PPP3CB: variants seen among roughly 807,000 people sequenced by gnomAD.
The protein encoded by PPP3CB is serine/threonine-protein phosphatase 2B catalytic subunit beta isoform.
A neutral mutation model predicts 66.4 loss-of-function variants in PPP3CB; 8 were observed. That is an observed-to-expected ratio of 0.12 (90% CI 0.07 to 0.22). The LOEUF (loss-of-function observed/expected upper bound fraction) is 0.22, where lower values mean the gene tolerates loss of function less well. Ranked by LOEUF, PPP3CB falls within the 10% of genes least tolerant of loss-of-function variation. PPP3CB has a pLI of 1.00. For missense variants in PPP3CB, 319 were observed against 642.5 expected (o/e 0.50, Z 5.44); for synonymous variants, 208 against 221.2 (o/e 0.94, Z 0.53).
chr10:73,449,825 T>C (rs946546397), intron 10 of PPP3CB, among the ~76,000 whole-genome samples: 1 of 151,898 alleles, frequency 6.6e-6, no homozygotes, highest in Admixed American at 6.6e-5. Context: ...AGACCGAGTC[T>C]CGCTCTGTCA....
chr10:73,444,780 G>T lies in PPP3CB; in HGVS notation c.1311C>A (p.Pro437=). 1.2e-6 allele frequency: 2 copies of T among 1,613,878 alleles called. No homozygotes were observed. The highest frequency in any genetic ancestry group is 1.7e-6 in the Non-Finnish European group (2 of 1,180,032). ...ACACTCCACTAGGCAACATCCCTGT[G>T]GGAGTCAGGCCCTTGAGTGTCAGCA... ...ESVLTLKGLT[P]TGMLPSGVLA... The change falls in exon 12 of 14, where the codon CCC becomes CCA. Residue 437 remains proline (P), a synonymous_variant. Coordinates refer to ENST00000360663, the MANE Select transcript of PPP3CB (RefSeq NM_021132.4).
At chr10:73,475,712 T>C (rs2056774197) in intron 3 of PPP3CB, among the ~76,000 whole-genome samples, 1 of 152,206 alleles carries the variant, frequency 6.6e-6, no homozygotes, top group Non-Finnish European at 1.5e-5. Context: ...CAAATAAAAA[T>C]ATTATTAAAC....
chr10:73,474,073 G>A (rs190100037), intron 4 of PPP3CB, among the ~76,000 whole-genome samples: 4 of 151,286 alleles, frequency 2.6e-5, no homozygotes, highest in East Asian at 1.9e-4. Context: ...ACAGAGTTTC[G>A]CTCTTGTTGC....
At chr10:73,442,452 CTG>C (rs2056164245) in intron 12 of PPP3CB, among the ~76,000 whole-genome samples, 1 of 152,210 alleles carries the variant, frequency 6.6e-6, no homozygotes, top group Admixed American at 6.5e-5. Flanking sequence ...CCAAGGATAA[CTG>C]AGAGATGACT....
At chr10:73,478,770 GGAT>G in intron 2 of PPP3CB, 147 bp from the exon 3 acceptor site, 1 of 666,068 alleles carries the variant, frequency 1.5e-6, no homozygotes. Flanking sequence ...GTCATGATTA[GGAT>G]GATGTGTAAC....
chr10:73,450,855 C>T (rs1214212880), intron 10 of PPP3CB, among the ~76,000 whole-genome samples: 1 of 152,114 alleles, frequency 6.6e-6, no homozygotes, highest in Non-Finnish European at 1.5e-5. Flanking sequence ...AACCACTGAT[C>T]CTTTTCATTA....
chr10:73,444,735 G>T lies in PPP3CB; in HGVS notation c.1356C>A (p.Thr452=). The T allele has an allele frequency of 1.9e-6, 3 of 1,614,066 alleles. No homozygotes were observed. Among genetic ancestry groups the T allele is most frequent in the Non-Finnish European group, 2.5e-6 (3 of 1,180,012 alleles). The change falls in exon 12 of 14, where the codon ACC becomes ACA. Residue 452 remains threonine (T), a synonymous_variant. Transcript: ENST00000360663. ...GCATAACATCATTACCACTTTGCAG[G>T]GTCTGCCGTCCTCCAGCTAACACTC... ...PSGVLAGGRQ[T]LQSATVEAIE...
intron 4 of PPP3CB, among the ~76,000 whole-genome samples, chr10:73,473,955 A>C (rs2056743785): frequency 6.6e-6 from 1 of 152,330 alleles, no homozygotes; most frequent in East Asian, 1.9e-4. Flanking sequence ...TCCTCACAGG[A>C]ATGCCTCAAG....
At chr10:73,442,402 C>T (rs756913398) in intron 12 of PPP3CB, among the ~76,000 whole-genome samples, 1 of 152,170 alleles carries the variant, frequency 6.6e-6, no homozygotes, top group South Asian at 2.1e-4. Context: ...AATCTGAAAG[C>T]AAGGTTTGCT....
intron 1 of PPP3CB, among the ~76,000 whole-genome samples, chr10:73,486,874 AT>A: frequency 6.6e-6 from 1 of 152,226 alleles, no homozygotes; most frequent in Middle Eastern, 3.4e-3. Context: ...CCTGCTATCT[AT>A]TAAACTAATC....
intron 9 of PPP3CB, 30 bp from the exon 10 acceptor site, chr10:73,454,519 C>A: frequency 6.7e-7 from 1 of 1,499,884 alleles, no homozygotes; most frequent in Non-Finnish European, 9.3e-7. Context: ...TACATGTTAG[C>A]TGACCATATA....
intron 10 of PPP3CB, 135 bp from the exon 11 acceptor site, chr10:73,446,708 G>A (rs1363834256): frequency 1.4e-6 from 1 of 732,998 alleles, no homozygotes; most frequent in Non-Finnish European, 2.3e-6. Context: ...GAGGGGACTA[G>A]ATGAACTCAT....
intron 8 of PPP3CB, among the ~76,000 whole-genome samples, chr10:73,468,373 C>T (rs1253056119): frequency 6.6e-6 from 1 of 152,052 alleles, no homozygotes; most frequent in Non-Finnish European, 1.5e-5. Context: ...CTTAAATGAC[C>T]TACATAGATT....
intron 4 of PPP3CB, among the ~76,000 whole-genome samples, chr10:73,473,753 A>T (rs2056740459): frequency 6.6e-6 from 1 of 152,204 alleles, no homozygotes; most frequent in South Asian, 2.1e-4. Context: ...CAGGTATTAG[A>T]TTACCATTGC....
chr10:73,495,693 C>T (rs989974995), intron 1 of PPP3CB, 112 bp downstream of exon 1: 60 of 1,431,702 alleles, frequency 4.2e-5, no homozygotes, highest in Middle Eastern at 1.9e-4. Flanking sequence ...AGGGAGGCAG[C>T]CAGTCACTCG....
At chr10:73,464,643 T>G (rs1340505194) in intron 9 of PPP3CB, among the ~76,000 whole-genome samples, 3 of 152,100 alleles carry the variant, frequency 2.0e-5, no homozygotes, top group South Asian at 4.2e-4. Flanking sequence ...ATTAAGAAAT[T>G]AATAAACGTT....
chr10:73,461,466 AT>A (rs1020967118), intron 9 of PPP3CB, among the ~76,000 whole-genome samples: 2 of 152,068 alleles, frequency 1.3e-5, no homozygotes, highest in African/African-American at 2.4e-5. Flanking sequence ...AAAAAAAAAA[AT>A]TTAATGACTG....
At position 73,495,742 on chromosome 10, in the gene PPP3CB, C is replaced by G. The variant is rs981488685; in HGVS notation, c.85+63G>C. On this transcript the variant is annotated intron_variant, in intron 1 of 13. Transcript: ENST00000360663. ...GCCCACTCCCGAGGGGACGGTCTCC[C>G]GCCCGCCCTCACACACAGCTAGCTC... 2.6e-6 allele frequency: 4 copies of G among 1,529,110 alleles called. No homozygotes were observed. The Admixed American group carries it at 7.4e-5, about 28-fold the overall frequency. The allele number at this position is 1,529,110 out of a possible 1,614,324, so 94.7% of individuals were successfully genotyped here. A position where few individuals can be genotyped will look rare whatever the true frequency, so the allele number is the denominator to read the frequency against.
At chr10:73,460,139 T>C (rs573295877) in intron 9 of PPP3CB, among the ~76,000 whole-genome samples, 2 of 152,122 alleles carry the variant, frequency 1.3e-5, no homozygotes, top group Non-Finnish European at 1.5e-5. Flanking sequence ...AAGGACTTTG[T>C]GTTGACAGGT....
Sources: gnomAD v4.1 joint callset for allele counts (sites outside exome capture counted in the v4.1 genomes callset) on GRCh38, gnomAD v4.1.1 for gene constraint, MANE v1.5 for transcripts, NCBI Gene and HGNC (gene_info 2026-07-23, HGNC 2026-07-21) for gene names.